RGSL1: variants seen among roughly 807,000 people sequenced by gnomAD.
RGSL1 encodes regulator of G protein signaling like 1.
A neutral mutation model predicts 124.7 loss-of-function variants in RGSL1; 97 were observed. The ratio of observed to expected loss-of-function variants is 0.78; its 90% CI spans 0.66 to 0.92. The LOEUF (loss-of-function observed/expected upper bound fraction) is 0.92, where lower values mean the gene tolerates loss of function less well. Among genes scored for constraint, RGSL1 ranks in the 40% least tolerant of loss-of-function variants. The probability of loss-of-function intolerance (pLI) is 0.00; values close to 1 mark genes in which losing one functional copy is unlikely to be tolerated. For synonymous variants in RGSL1, 424 were observed against 438.1 expected (o/e 0.97, Z 0.40); for missense variants, 1,233 against 1,288.4 (o/e 0.96, Z 0.66).
Position 182,453,966 on chromosome 1 carries a change from G to C in RGSL1, c.22G>C (p.Gly8Arg), listed in dbSNP as rs1474762042. 15 of 1,499,916 alleles carry C rather than the reference G, an allele frequency of 1.0e-5. No individual in the cohort carries two copies. The highest frequency in any genetic ancestry group is 2.0e-5 in the Admixed American group (1 of 50,806). 92.9% of individuals were successfully genotyped at this position (1,499,916 alleles called of 1,614,324 possible). A position where few individuals can be genotyped will look rare whatever the true frequency, so the allele number is the denominator to read the frequency against. ...TCTCTCTCTCCATATAGAGATAATT[G>C]GTTCTACAAATCTTATAATTCTGCT... MSSAEII[G>R]STNLIILLED... Residue 8 changes from glycine (G) to arginine (R), a missense_variant, in exon 2 of 22, where the codon GGT (glycine) becomes CGT (arginine). Physicochemically the swap from Gly to Arg is moderately radical, Grantham distance 125. Coordinates refer to ENST00000294854, the MANE Select transcript of RGSL1 (RefSeq NM_001137669.2).
chr1:182,551,773 A>T (rs1468892520), intron 18 of RGSL1, among the ~76,000 whole-genome samples: 1 of 152,230 alleles, frequency 6.6e-6, no homozygotes, highest in Non-Finnish European at 1.5e-5. Flanking sequence ...GCCATGCACC[A>T]CATAATGATG....
intron 9 of RGSL1, among the ~76,000 whole-genome samples, chr1:182,515,053 T>C (rs928653907): frequency 6.6e-6 from 1 of 152,200 alleles, no homozygotes; most frequent in African/African-American, 2.4e-5. Context: ...ACAGGCAGTC[T>C]TCCTTTCTCT....
chr1:182,511,410 C>T (rs772369392), intron 9 of RGSL1, among the ~76,000 whole-genome samples: 5 of 152,130 alleles, frequency 3.3e-5, no homozygotes, highest in African/African-American at 4.8e-5. Context: ...GTGATCTGCC[C>T]GTCTCGGCTT....
chr1:182,514,624 G>A (rs923718068), intron 9 of RGSL1, among the ~76,000 whole-genome samples: 1 of 152,138 alleles, frequency 6.6e-6, no homozygotes, highest in Non-Finnish European at 1.5e-5. Flanking sequence ...AGAGAGAAGG[G>A]GACCTGGACC....
chr1:182,492,238 AC>A lies in RGSL1; in HGVS notation c.1718-783del, dbSNP rs1197823603. Among the ~76,000 whole-genome samples the A allele has an allele frequency of 2.0e-5, 3 of 152,178 alleles. No homozygotes were observed. In the East Asian group the frequency reaches 5.8e-4, roughly 29 times the overall value. On this transcript the variant is annotated intron_variant, in intron 8 of 21. Transcript: ENST00000294854. ...TTTGTAGTTGTGGTCTCATGCCCGC[AC>A]TTCGGGAGGCCAAGGCGGGAGTATC...
intron 14 of RGSL1, among the ~76,000 whole-genome samples, 174 bp from the exon 15 acceptor site, chr1:182,540,073 T>G (rs1309078857): frequency 6.6e-6 from 1 of 152,162 alleles, no homozygotes; most frequent in East Asian, 1.9e-4. Context: ...ACTATCTGAG[T>G]AGATGACTTT....
intron 8 of RGSL1, among the ~76,000 whole-genome samples, chr1:182,491,435 G>A (rs1334796361): frequency 1.3e-5 from 2 of 151,902 alleles, no homozygotes; most frequent in African/African-American, 4.8e-5. Context: ...GGCTGGTCTC[G>A]AGCTCCTGAC....
chr1:182,452,180 C>G (rs1332011910), intron 1 of RGSL1, among the ~76,000 whole-genome samples: 1 of 151,984 alleles, frequency 6.6e-6, no homozygotes, highest in Non-Finnish European at 1.5e-5. Context: ...GATGAAAGTG[C>G]CTGATGGATA....
chr1:182,505,368 G>A (rs1198997291), intron 9 of RGSL1, among the ~76,000 whole-genome samples: 1 of 68,872 alleles, frequency 1.5e-5, no homozygotes, highest in Non-Finnish European at 3.0e-5. Context: ...CACCACTGAT[G>A]TGGAGATTGG....
At chr1:182,448,219 T>C (rs1407297432), upstream of RGSL1, 1 of 153,996 alleles carries the variant, frequency 6.5e-6, no homozygotes, top group Non-Finnish European at 1.4e-5. Context: ...TGTTTGTTTG[T>C]TTGTTTGTTT....
intron 6 of RGSL1, 130 bp downstream of exon 6, chr1:182,474,672 A>C: frequency 7.5e-7 from 1 of 1,336,202 alleles, no homozygotes; most frequent in African/African-American, 1.5e-5. Context: ...CATATTGAAG[A>C]GTTGGTTGAT....
At chr1:182,503,974 C>CTTTTTTTTTTTTT (rs71124902) in intron 9 of RGSL1, among the ~76,000 whole-genome samples, 12 of 118,240 alleles carry the variant, frequency 1.0e-4, no homozygotes, top group South Asian at 2.7e-4. Context: ...TTTGTAATTT[C>CTTTTTTTTTTTTT]TTTTTTTTTT....
chr1:182,460,767 TG>T, intron 4 of RGSL1: 1 of 455,162 alleles, frequency 2.2e-6, no homozygotes, highest in Non-Finnish European at 4.4e-6. Flanking sequence ...GTAAATATTT[TG>T]AAACTCTAGA....
chr1:182,467,901 G>A (rs1207499783), intron 4 of RGSL1, among the ~76,000 whole-genome samples: 1 of 152,114 alleles, frequency 6.6e-6, no homozygotes, highest in East Asian at 1.9e-4. Context: ...AATCTACAAT[G>A]AACTCAAACA....
intron 1 of RGSL1, among the ~76,000 whole-genome samples, chr1:182,450,794 C>T (rs1303719185): frequency 1.3e-5 from 2 of 152,194 alleles, no homozygotes; most frequent in Non-Finnish European, 2.9e-5. Flanking sequence ...CAGTAATATA[C>T]TCATTCAACA....
Position 182,548,726 on chromosome 1 carries a change from T to C in RGSL1, c.2835T>C (p.Asp945=). The C allele has an allele frequency of 1.3e-6, 2 of 1,551,670 alleles. No individual in the cohort carries two copies. Among genetic ancestry groups the C allele is most frequent in the Middle Eastern group, 1.7e-4 (1 of 5,992 alleles). Residue 945 remains aspartate, a synonymous_variant, in exon 17 of 22, where the codon GAT becomes GAC. Coordinates refer to ENST00000294854, the MANE Select transcript of RGSL1 (RefSeq NM_001137669.2). ...LRVNVPEFQK[D]AILAAITEGY... Reference sequence around the variant, plus strand: ...TGAATGTCCCTGAGTTCCAGAAGGATGCCATCCTTGCTGCCATCACAGAGG... The same window carrying C: ...TGAATGTCCCTGAGTTCCAGAAGGACGCCATCCTTGCTGCCATCACAGAGG...
intron 9 of RGSL1, among the ~76,000 whole-genome samples, chr1:182,499,450 G>A (rs1656186908): frequency 6.6e-6 from 1 of 152,064 alleles, no homozygotes; most frequent in South Asian, 2.1e-4. Context: ...TTTTTTGATT[G>A]TTGTTGATTT....
chr1:182,544,090 G>C (rs1464747457), intron 15 of RGSL1, among the ~76,000 whole-genome samples: 5 of 151,786 alleles, frequency 3.3e-5, no homozygotes, highest in African/African-American at 4.8e-5. Flanking sequence ...GGCAACATTA[G>C]GTTGTTTATT....
chr1:182,453,930 GTTTT>G, intron 1 of RGSL1, 24 bp from the exon 2 acceptor site: 1 of 1,241,026 alleles, frequency 8.1e-7, no homozygotes, highest in Non-Finnish European at 1.1e-6. Context: ...TTCATGTTTT[GTTTT>G]TTTATTTCTC....
Sources: gnomAD v4.1 joint callset for allele counts (sites outside exome capture counted in the v4.1 genomes callset) on GRCh38, gnomAD v4.1.1 for gene constraint, MANE v1.5 for transcripts, NCBI Gene and HGNC (gene_info 2026-07-23, HGNC 2026-07-21) for gene names.